Variants in ADAMTS3 observed in about 807,000 individuals in gnomAD.
The protein encoded by ADAMTS3 is ADAM metallopeptidase with thrombospondin type 1 motif 3, also known as A disintegrin and metalloproteinase with thrombospondin motifs 3.
In ADAMTS3, 73 loss-of-function variants were observed where a neutral mutation model predicts 129.0. The observed-to-expected ratio is 0.57, with a 90% confidence interval of 0.47 to 0.69. The LOEUF (loss-of-function observed/expected upper bound fraction) is 0.69. Among genes scored for constraint, ADAMTS3 ranks in the 30% least tolerant of loss-of-function variants. The pLI, the probability that ADAMTS3 is intolerant of heterozygous loss-of-function variation, is 0.00. For missense variants in ADAMTS3, 1,457 were observed against 1,514.5 expected (o/e 0.96, Z 0.63); for synonymous variants, 477 against 510.8 (o/e 0.93, Z 0.89).
intron 4 of ADAMTS3, among the ~76,000 whole-genome samples, chr4:72,393,351 T>C (rs1376119922): frequency 2.6e-5 from 4 of 152,228 alleles, no homozygotes; most frequent in Non-Finnish European, 4.4e-5. Flanking sequence ...ATAGATAAGA[T>C]AACTTGGACT....
chr4:72,339,842 G>A (rs75424048), intron 4 of ADAMTS3, 149 bp from the exon 5 acceptor site: 20 of 649,058 alleles, frequency 3.1e-5, no homozygotes, highest in Middle Eastern at 8.4e-4. Flanking sequence ...TAAATAATAC[G>A]CATATGCATA....
intron 3 of ADAMTS3, among the ~76,000 whole-genome samples, chr4:72,448,744 A>T (rs1412794276): frequency 6.6e-6 from 1 of 151,736 alleles, no homozygotes; most frequent in Non-Finnish European, 1.5e-5. Flanking sequence ...TGTAATATGA[A>T]GAAGCAATCC....
At chr4:72,287,782 C>G (rs1718550069) in intron 21 of ADAMTS3, among the ~76,000 whole-genome samples, 2 of 152,066 alleles carry the variant, frequency 1.3e-5, no homozygotes, top group Admixed American at 1.3e-4. Flanking sequence ...ACAGGACAGA[C>G]AGAGATGTGG....
At chr4:72,303,833 A>G in intron 17 of ADAMTS3, 84 bp downstream of exon 17, 1 of 1,388,816 alleles carries the variant, frequency 7.2e-7, no homozygotes, top group Non-Finnish European at 1.0e-6. Flanking sequence ...AGTACACTTA[A>G]TGTTCAAGGT....
intron 3 of ADAMTS3, among the ~76,000 whole-genome samples, chr4:72,448,877 T>A (rs1164534772): frequency 6.6e-6 from 1 of 151,792 alleles, no homozygotes; most frequent in African/African-American, 2.4e-5. Context: ...TTTAACTCTT[T>A]AAAATTTTAT....
intron 3 of ADAMTS3, among the ~76,000 whole-genome samples, chr4:72,450,462 T>C (rs11723034): frequency 0.36 from 53,909 of 151,526 alleles, 10,557 homozygotes; most frequent in South Asian, 0.59. Context: ...CAAAAACCTA[T>C]GTTTAATCCA....
In ADAMTS3 at chr4:72,568,830, C is replaced by CCA; in HGVS notation, c.-70_-69dup. 8.4e-7 allele frequency: 1 copy of CCA among 1,196,274 alleles called. No individual in the cohort carries two copies. Among genetic ancestry groups the CCA allele is most frequent in the South Asian group, 1.4e-5 (1 of 73,792 alleles). 74.1% of individuals were successfully genotyped at this position (1,196,274 alleles called of 1,614,324 possible). A position where few individuals can be genotyped will look rare whatever the true frequency, so the allele number is the denominator to read the frequency against. On this transcript the variant is annotated 5_prime_UTR_variant, in exon 1 of 22. Coordinates refer to ENST00000286657, the MANE Select transcript of ADAMTS3 (RefSeq NM_014243.3). ...CCCAGAGCAAACCCACCCCCCCCGC[C>CCA]CAAAATAAGTTTCTTTAAGAAAAAA...
chr4:72,377,490 GAA>G (rs1284471249), intron 4 of ADAMTS3, among the ~76,000 whole-genome samples: 1 of 152,186 alleles, frequency 6.6e-6, no homozygotes, highest in East Asian at 1.9e-4. Flanking sequence ...AACCTGCTCT[GAA>G]AAATCAGTTC....
intron 3 of ADAMTS3, among the ~76,000 whole-genome samples, chr4:72,507,998 T>C (rs1475276367): frequency 6.6e-6 from 1 of 152,224 alleles, no homozygotes; most frequent in African/African-American, 2.4e-5. Flanking sequence ...TACCTTAGAA[T>C]ATATGCAAGT....
chr4:72,479,449 T>A lies in ADAMTS3; in HGVS notation c.505-64478A>T, dbSNP rs1343539570. ...ACAAAAACAAGCAATGGGGAAAGGATTCCCTATTTAATAAATGGTGCTGGG... is the reference window on the plus strand; with the variant it reads ...ACAAAAACAAGCAATGGGGAAAGGAATCCCTATTTAATAAATGGTGCTGGG... On this transcript the variant is annotated intron_variant, in intron 3 of 21. Transcript: ENST00000286657. 2.1e-5 allele frequency among the ~76,000 whole-genome samples: 3 copies of A among 145,378 alleles called. No individual in the cohort carries two copies. The East Asian group carries it at 6.0e-4, about 29-fold the overall frequency.
intron 21 of ADAMTS3, among the ~76,000 whole-genome samples, chr4:72,286,372 A>T (rs1718506096): frequency 2.0e-5 from 3 of 152,248 alleles, no homozygotes; most frequent in Admixed American, 1.3e-4. Context: ...TACATATGTC[A>T]ATACTTTCCA....
At chr4:72,305,824 A>C (rs1719072617) in intron 16 of ADAMTS3, among the ~76,000 whole-genome samples, 163 bp downstream of exon 16, 1 of 151,726 alleles carries the variant, frequency 6.6e-6, no homozygotes, top group Non-Finnish European at 1.5e-5. Context: ...ACATGTACGC[A>C]CATATACGTA....
In ADAMTS3 at chr4:72,486,945, T is replaced by C. The variant is rs144655157; in HGVS notation, c.504+61533A>G. ...GCTCAGTTAACTGTAGATTGTTCATTGGATTTCATGAAAACTATGCACATC... is the reference window on the plus strand; with the variant it reads ...GCTCAGTTAACTGTAGATTGTTCATCGGATTTCATGAAAACTATGCACATC... On this transcript the variant is annotated intron_variant, in intron 3 of 21. Coordinates refer to ENST00000286657, the MANE Select transcript of ADAMTS3 (RefSeq NM_014243.3). Among the ~76,000 whole-genome samples, 1,107 of 152,294 alleles carry C rather than the reference T, an allele frequency of 7.3e-3. 13 individuals are homozygous for C. Among genetic ancestry groups the C allele is most frequent in the South Asian group, 0.011 (55 of 4,828 alleles).
intron 6 of ADAMTS3, among the ~76,000 whole-genome samples, chr4:72,321,694 T>C (rs1054714096): frequency 6.6e-6 from 1 of 152,144 alleles, no homozygotes; most frequent in African/African-American, 2.4e-5. Flanking sequence ...AGAATATGAA[T>C]TCTTCCATGA....
At chr4:72,525,550 C>T (rs1468203649) in intron 3 of ADAMTS3, among the ~76,000 whole-genome samples, 1 of 152,046 alleles carries the variant, frequency 6.6e-6, no homozygotes, top group East Asian at 1.9e-4. Context: ...TTTCGCCTCA[C>T]CCTCCAAAGA....
At chr4:72,366,212 C>T (rs1720863862) in intron 4 of ADAMTS3, among the ~76,000 whole-genome samples, 1 of 152,156 alleles carries the variant, frequency 6.6e-6, no homozygotes, top group Non-Finnish European at 1.5e-5. Context: ...TCTATTCTTC[C>T]ATTTAACCAG....
intron 4 of ADAMTS3, among the ~76,000 whole-genome samples, chr4:72,369,063 C>T (rs1251177998): frequency 1.3e-5 from 2 of 152,066 alleles, no homozygotes; most frequent in African/African-American, 4.8e-5. Context: ...ATAGTTGGTA[C>T]AAAACACACA....
intron 21 of ADAMTS3, among the ~76,000 whole-genome samples, chr4:72,286,904 G>A (rs1451212902): frequency 1.3e-5 from 2 of 151,972 alleles, no homozygotes; most frequent in Non-Finnish European, 2.9e-5. Flanking sequence ...AAAGATAGGA[G>A]GAGAAAGAGA....
At chr4:72,450,147 C>T (rs906919671) in intron 3 of ADAMTS3, among the ~76,000 whole-genome samples, 3 of 151,592 alleles carry the variant, frequency 2.0e-5, no homozygotes, top group African/African-American at 7.3e-5. Context: ...TCTTGGTGCC[C>T]ATAATTCCCT....
Sources: allele counts gnomAD v4.1 joint callset (sites outside exome capture counted in the v4.1 genomes callset), GRCh38; gene constraint gnomAD v4.1.1; transcripts MANE v1.5; gene names NCBI Gene and HGNC (gene_info 2026-07-23, HGNC 2026-07-21).